ESRRB: variants seen among roughly 807,000 people sequenced by gnomAD.
ESRRB encodes estrogen related receptor beta.
Under a neutral mutation model 46.0 loss-of-function variants are expected in ESRRB, and 16 were observed. The observed-to-expected ratio is 0.35, with a 90% CI of 0.24 to 0.53. ESRRB has a LOEUF of 0.53. ESRRB is among the 20% of genes least tolerant of loss of function. ESRRB has a pLI of 0.93. For missense variants in ESRRB, 488 were observed against 607.4 expected, an observed-to-expected ratio of 0.80 and a Z score of 2.07; for synonymous variants, 246 against 259.6, an observed-to-expected ratio of 0.95 and a Z score of 0.50.
chr14:76,407,727 A>T, intron 1 of ESRRB: 2 of 315,440 alleles, frequency 6.3e-6, no homozygotes, highest in Non-Finnish European at 9.2e-6. Flanking sequence ...AGGAGGGCAG[A>T]AATACCACAT....
chr14:76,346,064 G>C (rs763631160), intron 1 of ESRRB, among the ~76,000 whole-genome samples: 107 of 152,166 alleles, frequency 7.0e-4, no homozygotes, highest in South Asian at 1.7e-3. Flanking sequence ...AACGCTTGGT[G>C]TTTCTTGGCC....
At chr14:76,483,223 A>G (rs536622489) in intron 5 of ESRRB, among the ~76,000 whole-genome samples, 3 of 152,366 alleles carry the variant, frequency 2.0e-5, no homozygotes, top group African/African-American at 7.2e-5. Context: ...CTGGGTCTGC[A>G]GCTTACTAGC....
intron 3 of ESRRB, among the ~76,000 whole-genome samples, chr14:76,467,039 C>T (rs569327344): frequency 1.3e-5 from 2 of 151,762 alleles, no homozygotes; most frequent in Admixed American, 1.3e-4. Context: ...TATTATTACT[C>T]ACGCCCACCT....
At chr14:76,407,952 G>A (rs1742369154) in intron 1 of ESRRB, among the ~76,000 whole-genome samples, 2 of 152,220 alleles carry the variant, frequency 1.3e-5, no homozygotes, top group South Asian at 2.1e-4. Context: ...GGACTGCCGG[G>A]TCCTGGCAGC....
upstream of ESRRB, among the ~76,000 whole-genome samples, chr14:76,374,018 CCA>C (rs1385628789): frequency 2.0e-5 from 3 of 152,094 alleles, no homozygotes; most frequent in Non-Finnish European, 2.9e-5. Flanking sequence ...AACGGTGCAC[CCA>C]CACAGAGTAA....
chr14:76,369,112 G>A (rs569227568), upstream of ESRRB, among the ~76,000 whole-genome samples: 28 of 150,694 alleles, frequency 1.9e-4, no homozygotes, highest in East Asian at 6.0e-4. Flanking sequence ...CAGGAGAATC[G>A]CTTGAACCAG....
chr14:76,393,863 C>T (rs536953309), intron 1 of ESRRB, among the ~76,000 whole-genome samples: 7 of 152,202 alleles, frequency 4.6e-5, no homozygotes, highest in Admixed American at 2.6e-4. Flanking sequence ...TGCAGTGGCA[C>T]GAGCTCAGCA....
intron 1 of ESRRB, among the ~76,000 whole-genome samples, chr14:76,393,656 G>C (rs924584364): frequency 6.6e-6 from 1 of 152,154 alleles, no homozygotes; most frequent in Non-Finnish European, 1.5e-5. Context: ...GCCGGCAACT[G>C]CAAGTGTTTC....
At chr14:76,443,858 C>G (rs963568344) in intron 2 of ESRRB, among the ~76,000 whole-genome samples, 1 of 152,134 alleles carries the variant, frequency 6.6e-6, no homozygotes, top group Non-Finnish European at 1.5e-5. Context: ...ATGATCTCTT[C>G]GTAGAAGTCA....
In ESRRB at chr14:76,491,428, G is replaced by A. The variant is rs778566021; in HGVS notation, c.851-19G>A. 1 of 1,606,844 alleles carries A rather than the reference G, an allele frequency of 6.2e-7. No homozygotes were observed. Among genetic ancestry groups the A allele is most frequent in the Non-Finnish European group, 8.5e-7 (1 of 1,177,700 alleles). On this transcript the variant is annotated intron_variant, in intron 5 of 6. Coordinates refer to ENST00000644823, the MANE Select transcript of ESRRB (RefSeq NM_001379180.1). ...CCCTCCTGACCTGCTGCTGCCCTCTGTGCCCCCTCTTCCTGCAGGCTTCTC... is the reference window on the plus strand; with the variant it reads ...CCCTCCTGACCTGCTGCTGCCCTCTATGCCCCCTCTTCCTGCAGGCTTCTC...
At chr14:76,393,284 G>A (rs1443508599) in intron 1 of ESRRB, among the ~76,000 whole-genome samples, 1 of 152,136 alleles carries the variant, frequency 6.6e-6, no homozygotes, top group Non-Finnish European at 1.5e-5. Flanking sequence ...GCCTGGAGAA[G>A]TGCTCCCTCC....
chr14:76,412,246 G>A (rs143401290), intron 1 of ESRRB, among the ~76,000 whole-genome samples: 8 of 152,318 alleles, frequency 5.3e-5, no homozygotes, highest in African/African-American at 1.9e-4. Flanking sequence ...CAAGCTGTTC[G>A]CAGGGTTTGG....
intron 1 of ESRRB, among the ~76,000 whole-genome samples, chr14:76,417,932 G>C (rs1478925331): frequency 6.6e-6 from 1 of 151,344 alleles, no homozygotes; most frequent in Non-Finnish European, 1.5e-5. Flanking sequence ...AGCCAGGTGG[G>C]GCTTTTACAT....
chr14:76,316,871 C>A (rs1460205449), intron 1 of ESRRB, among the ~76,000 whole-genome samples: 1 of 152,184 alleles, frequency 6.6e-6, no homozygotes, highest in African/African-American at 2.4e-5. Context: ...TGGTATCTCT[C>A]CTGTGAATAT....
chr14:76,327,661 A>T (rs897942444), intron 1 of ESRRB, among the ~76,000 whole-genome samples: 2 of 152,058 alleles, frequency 1.3e-5, no homozygotes, highest in Non-Finnish European at 2.9e-5. Flanking sequence ...GAATGGCGGC[A>T]CTGGAAGTTG....
At chr14:76,436,538 A>G (rs1213639924) in intron 1 of ESRRB, among the ~76,000 whole-genome samples, 1 of 152,294 alleles carries the variant, frequency 6.6e-6, no homozygotes, top group African/African-American at 2.4e-5. Context: ...GCAAAACCTA[A>G]AGCAGCCATC....
At chr14:76,342,902 C>A (rs12885469) in intron 1 of ESRRB, among the ~76,000 whole-genome samples, 3 of 152,192 alleles carry the variant, frequency 2.0e-5, no homozygotes, top group African/African-American at 7.2e-5. Flanking sequence ...CTTTTATGTT[C>A]CAGTAGAAAA....
At chr14:76,441,072 T>C (rs969462106) in intron 2 of ESRRB, among the ~76,000 whole-genome samples, 1 of 152,140 alleles carries the variant, frequency 6.6e-6, no homozygotes, top group Non-Finnish European at 1.5e-5. Context: ...ATAAGGGTCT[T>C]GCTATGTTGC....
At position 76,482,792 on chromosome 14, in the gene ESRRB, A is replaced by G; in HGVS notation, c.850+33A>G. 6.2e-7 allele frequency: 1 copy of G among 1,612,238 alleles called. No individual in the cohort carries two copies. The highest frequency in any genetic ancestry group is 8.5e-7 in the Non-Finnish European group (1 of 1,179,488). ...TGTGGGACCAGGGGAGAGTGTGGCC[A>G]GGGACTCTCAGCCGGTATCTCCGCA... On this transcript the variant is annotated intron_variant, in intron 5 of 6. Transcript: ENST00000644823. This position sits in a 1 kb window ranked among gnomAD's most constrained non-coding sequence, Gnocchi z 4.3.
Sources: gnomAD v4.1 joint callset for allele counts (sites outside exome capture counted in the v4.1 genomes callset) on GRCh38, gnomAD v4.1.1 for gene constraint, Gnocchi (gnomAD v3.1) non-coding constraint, MANE v1.5 for transcripts, NCBI Gene and HGNC (gene_info 2026-07-23, HGNC 2026-07-21) for gene names.